LARGE1: variants seen among roughly 807,000 people sequenced by gnomAD.
LARGE1 encodes the protein xylosyl- and glucuronyltransferase LARGE1.
In LARGE1, 43 loss-of-function variants were observed where a neutral mutation model predicts 87.6. That is an observed-to-expected ratio of 0.49 (90% CI 0.38 to 0.63). The LOEUF is 0.63. Ranked by LOEUF, LARGE1 falls within the 30% of genes least tolerant of loss-of-function variation. The pLI is 0.00. For synonymous variants in LARGE1, 434 were observed against 394.6 expected (o/e 1.10, Z -1.18); for missense variants, 802 against 1,000.2 (o/e 0.80, Z 2.67).
intron 2 of LARGE1, chr22:33,656,940 G>A (rs2080976763): frequency 6.6e-6 from 1 of 152,228 alleles, no homozygotes; most frequent in African/African-American, 2.4e-5. Context: ...GTGCAGTGCA[G>A]TGACAGAGAT....
intron 7 of LARGE1, among the ~76,000 whole-genome samples, chr22:33,385,047 T>C (rs2147142505): frequency 6.7e-6 from 1 of 148,730 alleles, no homozygotes; most frequent in South Asian, 2.4e-4. Context: ...CAAGAGGGTC[T>C]TTTTGGCCCA....
chr22:33,598,668 C>T (rs2079040289), intron 5 of LARGE1, among the ~76,000 whole-genome samples: 1 of 152,120 alleles, frequency 6.6e-6, no homozygotes, highest in Admixed American at 6.5e-5. Context: ...ATGATGGTTT[C>T]CAGCTTCATC....
At chr22:33,816,356 G>A (rs2086646603) in intron 1 of LARGE1, among the ~76,000 whole-genome samples, 1 of 145,670 alleles carries the variant, frequency 6.9e-6, no homozygotes, top group South Asian at 2.2e-4. Flanking sequence ...TAGTTCTAGA[G>A]GCTGGGAAGT....
intron 5 of LARGE1, among the ~76,000 whole-genome samples, chr22:33,571,209 C>T (rs1168177880): frequency 6.6e-6 from 1 of 152,204 alleles, no homozygotes; most frequent in Non-Finnish European, 1.5e-5. Flanking sequence ...GGAGCACAGG[C>T]AACCCCAGGT....
chr22:33,610,361 G>C (rs2079391801), intron 4 of LARGE1, among the ~76,000 whole-genome samples: 1 of 152,188 alleles, frequency 6.6e-6, no homozygotes, highest in African/African-American at 2.4e-5. Flanking sequence ...ATGCGAATGA[G>C]GAACTTATTG....
intron 6 of LARGE1, among the ~76,000 whole-genome samples, chr22:33,491,968 C>T (rs2069863916): frequency 6.6e-6 from 1 of 151,948 alleles, no homozygotes; most frequent in African/African-American, 2.4e-5. Flanking sequence ...TATGGCTCCA[C>T]AAATGGTAAG....
intron 2 of LARGE1, among the ~76,000 whole-genome samples, chr22:33,736,001 T>C (rs932428657): frequency 6.6e-6 from 1 of 152,252 alleles, no homozygotes; most frequent in Non-Finnish European, 1.5e-5. Context: ...TAACATTCCA[T>C]TGTATGGCTA....
At chr22:33,837,987 C>T (rs1029169013) in intron 1 of LARGE1, among the ~76,000 whole-genome samples, 1 of 152,194 alleles carries the variant, frequency 6.6e-6, no homozygotes, top group African/African-American at 2.4e-5. Flanking sequence ...TCTCTGGCAA[C>T]TCGCAATCAC....
At chr22:33,125,982 C>T in the LARGE1 span, among the ~76,000 whole-genome samples, 21 of 152,022 alleles carry the variant, frequency 1.4e-4, no homozygotes, top group African/African-American at 4.6e-4. Context: ...TCCTGACTTT[C>T]GACAATCCAC....
chr22:33,284,017 G>A (rs1301553614), intron 12 of LARGE1, among the ~76,000 whole-genome samples: 2 of 152,200 alleles, frequency 1.3e-5, no homozygotes, highest in Non-Finnish European at 2.9e-5. Flanking sequence ...ACCCAGAGTG[G>A]AATGGGATCT....
intron 12 of LARGE1, among the ~76,000 whole-genome samples, chr22:33,299,915 C>T (rs1353183416): frequency 6.6e-6 from 1 of 152,246 alleles, no homozygotes; most frequent in East Asian, 1.9e-4. Context: ...TTTAGTAAAA[C>T]TCTGCAGCTA....
At chr22:33,695,503 G>C (rs1287519422) in intron 2 of LARGE1, among the ~76,000 whole-genome samples, 1 of 152,118 alleles carries the variant, frequency 6.6e-6, no homozygotes, top group East Asian at 1.9e-4. Context: ...CAAATACACA[G>C]TAAAGTTGAA....
chr22:33,701,132 T>C (rs1219149710), intron 2 of LARGE1, among the ~76,000 whole-genome samples: 1 of 151,856 alleles, frequency 6.6e-6, no homozygotes, highest in African/African-American at 2.4e-5. Context: ...ACACTCGGAG[T>C]GGTCACGGCC....
chr22:33,253,827 G>C (rs1028592120), intron 11 of LARGE1, among the ~76,000 whole-genome samples: 1 of 151,996 alleles, frequency 6.6e-6, no homozygotes. Flanking sequence ...GGCATACTTT[G>C]CCAAAGGTTC....
chr22:33,786,209 T>C (rs1264460711), intron 1 of LARGE1, among the ~76,000 whole-genome samples: 3 of 152,192 alleles, frequency 2.0e-5, no homozygotes, highest in Admixed American at 6.5e-5. Flanking sequence ...AAGGCCCTTC[T>C]TAGAAGAAAA....
intron 1 of LARGE1, among the ~76,000 whole-genome samples, chr22:33,837,596 G>C (rs2063147545): frequency 6.6e-6 from 1 of 152,228 alleles, no homozygotes; most frequent in Non-Finnish European, 1.5e-5. Flanking sequence ...ACCCTTGTGA[G>C]AGTCAGCTAC....
chr22:33,568,759 T>G, intron 5 of LARGE1, among the ~76,000 whole-genome samples: 1 of 47,598 alleles, frequency 2.1e-5, no homozygotes, highest in Non-Finnish European at 5.5e-5. Flanking sequence ...AAAGCGAAAC[T>G]CAGTCTCAAA....
intron 5 of LARGE1, among the ~76,000 whole-genome samples, chr22:33,599,983 G>A (rs1468893380): frequency 6.6e-6 from 1 of 152,186 alleles, no homozygotes; most frequent in Admixed American, 6.5e-5. Context: ...TAGGAGGTGG[G>A]CTGGTGCAAA....
intron 10 of LARGE1, among the ~76,000 whole-genome samples, chr22:33,334,877 A>G (rs2146534203): frequency 6.6e-6 from 1 of 152,338 alleles, no homozygotes; most frequent in African/African-American, 2.4e-5. Context: ...GCATTCACGC[A>G]TTCTTCCTGA....
Sources: gnomAD v4.1 joint callset for allele counts (sites outside exome capture counted in the v4.1 genomes callset) on GRCh38, gnomAD v4.1.1 for gene constraint, MANE v1.5 for transcripts, NCBI Gene and HGNC (gene_info 2026-07-23, HGNC 2026-07-21) for gene names.